The following TCTN1 variants were observed in gnomAD, a reference collection of about 807,000 sequenced individuals.
TCTN1 encodes tectonic-1.
In TCTN1, 58 loss-of-function variants were observed where a neutral mutation model predicts 65.8. The observed-to-expected ratio is 0.88, with a 90% confidence interval of 0.71 to 1.10. The LOEUF (loss-of-function observed/expected upper bound fraction) is 1.10. Ranked by LOEUF, TCTN1 falls within the 50% of genes least tolerant of loss-of-function variation. TCTN1 has a pLI of 0.00. For missense variants in TCTN1, 645 were observed against 719.4 expected, an observed-to-expected ratio of 0.90 and a Z score of 1.18; for synonymous variants, 273 against 289.1, an observed-to-expected ratio of 0.94 and a Z score of 0.57.
chr12:110,631,910 G>A (rs1223677675), intron 4 of TCTN1, among the ~76,000 whole-genome samples: 2 of 152,196 alleles, frequency 1.3e-5, no homozygotes, highest in African/African-American at 2.4e-5. Context: ...GTGAGTGGAA[G>A]GAGTTGTTTC....
At chr12:110,647,153 TAA>T in intron 12 of TCTN1, 41 bp from the exon 13 acceptor site, 1 of 1,612,768 alleles carries the variant, frequency 6.2e-7, no homozygotes, top group Non-Finnish European at 8.5e-7. Context: ...AACTGCAGAT[TAA>T]GTCTGACTTG....
In TCTN1 at chr12:110,634,722, G is replaced by A; in HGVS notation, c.765G>A (p.Gln255=). 6.2e-7 allele frequency: 1 copy of A among 1,612,514 alleles called. No homozygotes were observed. Among genetic ancestry groups the A allele is most frequent in the Non-Finnish European group, 8.5e-7 (1 of 1,179,276 alleles). ...GCACCAGAAAAATAAATTTAGAACA[G>A]TGTGAAGAAATTGAAGCCCTCAGCA... ...VKCTRKINLE[Q]CEEIEALSMA... is the part of the protein sequence containing the mutation. The change falls in exon 6 of 15, where the codon CAG becomes CAA. Residue 255 remains glutamine, a synonymous_variant. Coordinates refer to ENST00000397659, the MANE Select transcript of TCTN1 (RefSeq NM_001082538.3).
chr12:110,619,758 T>C lies in TCTN1; in HGVS notation c.221-78T>C. On this transcript the variant is annotated intron_variant, in intron 1 of 14. Coordinates refer to ENST00000397659, the MANE Select transcript of TCTN1 (RefSeq NM_001082538.3). The stretch of plus-strand genomic sequence containing the variant: ...GGATCTTTTTTATGAAATTGACTTA[T>C]GGTACACTGTGGTGGCAGGGGGCAG... 12 of 1,605,144 alleles carry C rather than the reference T, an allele frequency of 7.5e-6. No homozygotes were observed. In the South Asian group the frequency reaches 9.9e-5, roughly 13 times the overall value.
At chr12:110,630,679 A>G (rs752411899) in intron 4 of TCTN1, among the ~76,000 whole-genome samples, 9 of 152,188 alleles carry the variant, frequency 5.9e-5, no homozygotes, top group Admixed American at 1.3e-4. Flanking sequence ...ATTTTTAAAT[A>G]TGTCTATTAT....
At chr12:110,631,467 C>G (rs2066231886) in intron 4 of TCTN1, among the ~76,000 whole-genome samples, 1 of 151,944 alleles carries the variant, frequency 6.6e-6, no homozygotes, top group African/African-American at 2.4e-5. Flanking sequence ...AACCCCATGT[C>G]TACTAAAAAT....
At position 110,644,758 on chromosome 12, in the gene TCTN1, A is replaced by G; in HGVS notation, c.1332-209A>G. On this transcript the variant is annotated intron_variant, in intron 11 of 14. Transcript: ENST00000397659. This position sits in a 1 kb window ranked among gnomAD's most constrained non-coding sequence, Gnocchi z 4.6. ...GCTGGGTGTGGTGGCTCACTCCTGT[A>G]GTCCCAGCACTCTGGGAGGATTGCA... 1.6e-6 allele frequency: 1 copy of G among 627,930 alleles called. No homozygotes were observed. The highest frequency in any genetic ancestry group is 2.8e-6 in the Non-Finnish European group (1 of 357,852). 38.9% of individuals were successfully genotyped at this position (627,930 alleles called of 1,614,324 possible). A position where few individuals can be genotyped will look rare whatever the true frequency, so the allele number is the denominator to read the frequency against.
intron 1 of TCTN1, 125 bp from the exon 2 acceptor site, chr12:110,619,711 A>C: frequency 6.8e-7 from 1 of 1,476,962 alleles, no homozygotes; most frequent in Admixed American, 1.9e-5. Context: ...TTTCCCCCAA[A>C]GTGCAATAGG....
intron 2 of TCTN1, among the ~76,000 whole-genome samples, chr12:110,624,825 G>T (rs947807401): frequency 6.6e-6 from 1 of 151,194 alleles, no homozygotes; most frequent in Non-Finnish European, 1.5e-5. Flanking sequence ...GAGGTGATCC[G>T]CTCACCTCGG....
chr12:110,648,599 A>AGAT (rs1365158421), intron 14 of TCTN1: 1 of 159,558 alleles, frequency 6.3e-6, no homozygotes, highest in African/African-American at 2.4e-5. Context: ...GCAAAATATT[A>AGAT]GATAAAATCA....
intron 1 of TCTN1, 107 bp downstream of exon 1, chr12:110,614,509 T>C: frequency 6.5e-7 from 1 of 1,536,156 alleles, no homozygotes. Flanking sequence ...GCACTTACTG[T>C]GTGCAGACAC....
chr12:110,645,651 C>T (rs1005859245), intron 12 of TCTN1: 8 of 175,958 alleles, frequency 4.5e-5, no homozygotes, highest in Non-Finnish European at 9.8e-5. Flanking sequence ...TTCACTGCCA[C>T]AGTTCCTCAC....
Position 110,614,376 on chromosome 12 carries a change from GC to G in TCTN1, c.198del (p.Arg67GlyfsTer63). 1 of 1,603,982 alleles carries G rather than the reference GC, an allele frequency of 6.2e-7. No homozygotes were observed. ...GTPRAPGPSS[G>X]PRPTPVTDVA... ...CCCAGGGCTCCAGGGCCCTCCTCCG[GC>G]CCCAGGCCTACCCCAGTCACGGACG... On this transcript the variant is annotated frameshift_variant, in exon 1 of 15. Coordinates refer to ENST00000397659, the MANE Select transcript of TCTN1 (RefSeq NM_001082538.3). LOFTEE classifies it high-confidence loss of function.
intron 1 of TCTN1, among the ~76,000 whole-genome samples, chr12:110,617,800 C>T (rs1009078504): frequency 6.6e-6 from 1 of 150,898 alleles, no homozygotes; most frequent in Admixed American, 6.6e-5. Context: ...GCCACCATGC[C>T]CGACTAATTT....
chr12:110,617,427 G>T (rs1399061733), intron 1 of TCTN1, among the ~76,000 whole-genome samples: 1 of 151,312 alleles, frequency 6.6e-6, no homozygotes, highest in Non-Finnish European at 1.5e-5. Context: ...AGGTTCAAGC[G>T]ATTCTCCTGC....
At chr12:110,648,792 G>A (rs2067601191) in intron 14 of TCTN1, 1 of 309,680 alleles carries the variant, frequency 3.2e-6, no homozygotes, top group South Asian at 2.7e-5. Context: ...AGGGAAAAGA[G>A]AGAGTTTATT....
At chr12:110,617,705 A>G (rs534461816) in intron 1 of TCTN1, among the ~76,000 whole-genome samples, 58 of 149,626 alleles carry the variant, frequency 3.9e-4, no homozygotes, top group South Asian at 1.3e-3. Context: ...CAGTGGCACG[A>G]TATCGGCTCA....
intron 13 of TCTN1, 81 bp downstream of exon 13, chr12:110,647,417 T>C: frequency 6.4e-7 from 1 of 1,563,222 alleles, no homozygotes; most frequent in Non-Finnish European, 8.8e-7. Context: ...CAGGTATTAC[T>C]TTGTGAAAAA....
intron 7 of TCTN1, among the ~76,000 whole-genome samples, chr12:110,636,853 C>T (rs577070830): frequency 2.0e-5 from 3 of 152,330 alleles, no homozygotes; most frequent in South Asian, 2.1e-4. Context: ...GGATGCTGCC[C>T]GTCCAGGGCA....
intron 12 of TCTN1, 136 bp downstream of exon 12, chr12:110,645,265 G>C: frequency 8.5e-7 from 1 of 1,178,778 alleles, no homozygotes; most frequent in Non-Finnish European, 1.2e-6. Context: ...CTTGGATACT[G>C]ATTTTTGCCC....
Sources: allele counts gnomAD v4.1 joint callset (sites outside exome capture counted in the v4.1 genomes callset), GRCh38; gene constraint gnomAD v4.1.1; non-coding constraint Gnocchi (gnomAD v3.1); transcripts MANE v1.5; gene names NCBI Gene and HGNC (gene_info 2026-07-23, HGNC 2026-07-21).